The following OSBPL5 variants were observed in gnomAD, a reference collection of about 807,000 sequenced individuals.
OSBPL5 encodes oxysterol-binding protein-related protein 5.
Under a neutral mutation model 111.2 loss-of-function variants are expected in OSBPL5, and 71 were observed. That is an observed-to-expected ratio of 0.64 (90% CI 0.53 to 0.78). OSBPL5 has a LOEUF of 0.78. Among genes scored for constraint, OSBPL5 ranks in the 30% least tolerant of loss-of-function variants. The pLI is 0.00. For synonymous variants in OSBPL5, 549 were observed against 513.9 expected (o/e 1.07, Z -0.93); for missense variants, 1,210 against 1,189.3 (o/e 1.02, Z -0.26).
At chr11:3,128,671 C>G (rs942508509) in intron 2 of OSBPL5, among the ~76,000 whole-genome samples, 3 of 152,198 alleles carry the variant, frequency 2.0e-5, no homozygotes, top group African/African-American at 7.2e-5. Flanking sequence ...TGGGGTTACC[C>G]TGCCAGGACT....
chr11:3,157,537 G>A (rs1395921447), intron 1 of OSBPL5, among the ~76,000 whole-genome samples: 1 of 152,234 alleles, frequency 6.6e-6, no homozygotes, highest in Non-Finnish European at 1.5e-5. Flanking sequence ...AGGGGCAGGA[G>A]AGCCCCAGCC....
chr11:3,118,116 C>T (rs1204297750), intron 7 of OSBPL5, among the ~76,000 whole-genome samples: 1 of 152,160 alleles, frequency 6.6e-6, no homozygotes, highest in Admixed American at 6.6e-5. Flanking sequence ...ACCAGAGACT[C>T]GTTTTCTTCT....
In OSBPL5 at chr11:3,100,188, T is replaced by A. The variant is rs747204940; in HGVS notation, c.1591A>T (p.Thr531Ser). ...LTFLNRAEDY[T>S]LTMPYAHCKG... is the part of the protein sequence containing the mutation. ...CAGTGGGCGTAGGGCATGGTAAGGG[T>A]GTAATCCTCGGCTCGGTTCAGGAAG... Residue 531 changes from threonine to serine, a missense_variant, in exon 14 of 22, where the codon ACC becomes TCC. Coordinates refer to ENST00000263650, the MANE Select transcript of OSBPL5 (RefSeq NM_020896.4). 1.9e-6 allele frequency: 3 copies of A among 1,613,878 alleles called. No individual in the cohort carries two copies. The highest frequency in any genetic ancestry group is 2.5e-6 in the Non-Finnish European group (3 of 1,179,992).
At chr11:3,093,685 G>C (rs1440078982) in intron 16 of OSBPL5, 22 bp from the exon 17 acceptor site, 1 of 1,612,992 alleles carries the variant, frequency 6.2e-7, no homozygotes, top group Non-Finnish European at 8.5e-7. Flanking sequence ...GGCCAGCGGG[G>C]TCAGAGGCTG....
rs200124336 is a variant in OSBPL5, at chr11:3,107,441, G to A, written c.881C>T (p.Ser294Phe). ...GTCTGAGAATGCATCGTTCTCCAGGGAAGACCCGTTCAGTCTGGAAGGTGG... is the reference window on the plus strand; with the variant it reads ...GTCTGAGAATGCATCGTTCTCCAGGAAAGACCCGTTCAGTCTGGAAGGTGG... ...DQDLFPLNGSSLENDAFSDKS... is the reference protein window; with the variant it reads ...DQDLFPLNGSFLENDAFSDKS... Residue 294 changes from serine to phenylalanine, a missense_variant, in exon 9 of 22, where the codon TCC becomes TTC. Transcript: ENST00000263650. The surrounding 1 kb of genome is among the most constrained non-coding windows in gnomAD (Gnocchi z 6.1). 81 of 1,613,892 alleles carry A rather than the reference G, an allele frequency of 5.0e-5. No individual in the cohort carries two copies. The highest frequency in any genetic ancestry group is 6.6e-5 in the Non-Finnish European group (78 of 1,179,986).
chr11:3,127,990 C>T (rs1055915855), intron 2 of OSBPL5, among the ~76,000 whole-genome samples: 13 of 152,242 alleles, frequency 8.5e-5, no homozygotes, highest in African/African-American at 3.1e-4. Context: ...CCTCCCCACC[C>T]CTGACTCTGC....
At chr11:3,124,980 C>T (rs1408676213) in intron 3 of OSBPL5, among the ~76,000 whole-genome samples, 1 of 152,194 alleles carries the variant, frequency 6.6e-6, no homozygotes, top group African/African-American at 2.4e-5. Context: ...ACCCCTGCTC[C>T]CCAACTGGGC....
At chr11:3,119,874 C>T (rs762997246) in intron 6 of OSBPL5, 32 of 521,892 alleles carry the variant, frequency 6.1e-5, no homozygotes, top group Non-Finnish European at 1.0e-4. Flanking sequence ...CAGCTCTGAG[C>T]CTCCTGACTT....
chr11:3,112,739 C>CT (rs1230723551), intron 7 of OSBPL5, among the ~76,000 whole-genome samples: 6 of 152,110 alleles, frequency 3.9e-5, no homozygotes, highest in Admixed American at 3.9e-4. Flanking sequence ...TCTCCTTATG[C>CT]AATCCTATGA....
In OSBPL5 at chr11:3,107,296, G is replaced by A; in HGVS notation, c.1026C>T (p.Thr342=). 1 of 1,613,522 alleles carries A rather than the reference G, an allele frequency of 6.2e-7. No individual in the cohort carries two copies. Among genetic ancestry groups the A allele is most frequent in the Non-Finnish European group, 8.5e-7 (1 of 1,179,920 alleles). ...GCTCCTCCTGGACCTGCTCCACATA[G>A]GTGGTCCCTCTCCGCACCGGGGCCC... The part of the protein sequence containing the change: ...TPGAPVRRGT[T]YVEQVQEELG... Residue 342 remains threonine (T), a synonymous_variant, in exon 9 of 22, where the codon ACC becomes ACT. Transcript: ENST00000263650. The surrounding 1 kb of genome is among the most constrained non-coding windows in gnomAD (Gnocchi z 6.1).
intron 19 of OSBPL5, among the ~76,000 whole-genome samples, chr11:3,091,037 G>T (rs1857039047): frequency 6.6e-6 from 1 of 152,238 alleles, no homozygotes; most frequent in Non-Finnish European, 1.5e-5. Context: ...GGCCGAGGGT[G>T]GTTCTGACCC....
rs144743928 is a variant in OSBPL5, at chr11:3,107,380, G to C, written c.942C>G (p.Thr314=). ...SERENPEESD[T]ETQDHSRKTE... is the part of the protein sequence containing the mutation. The stretch of plus-strand genomic sequence containing the variant: ...TCTTCCGGCTATGGTCCTGGGTCTC[G>C]GTATCTGACTCCTCAGGGTTCTCTC... Residue 314 remains threonine (T), a synonymous_variant, in exon 9 of 22, where the codon ACC becomes ACG. Transcript: ENST00000263650. The surrounding 1 kb of genome is among the most constrained non-coding windows in gnomAD (Gnocchi z 6.1). 3.1e-6 allele frequency: 5 copies of C among 1,614,020 alleles called. No individual in the cohort carries two copies. The South Asian group carries it at 4.4e-5, about 14-fold the overall frequency.
Position 3,087,596 on chromosome 11 carries a change from G to C in OSBPL5, c.*609C>G, listed in dbSNP as rs891576850. On this transcript the variant is annotated 3_prime_UTR_variant, in exon 22 of 22. Coordinates refer to ENST00000263650, the MANE Select transcript of OSBPL5 (RefSeq NM_020896.4). ...AGCGAGCGTCCAGGTGTGGGGGTGG[G>C]GTGGTTCCAGGACCTGCCTCTGTGG... The C allele has an allele frequency of 6.5e-6, 1 of 153,264 alleles. No homozygotes were observed. Among genetic ancestry groups the C allele is most frequent in the Non-Finnish European group, 1.5e-5 (1 of 68,928 alleles). The allele number at this position is 153,264 out of a possible 1,614,324, so 9.5% of individuals were successfully genotyped here. A position where few individuals can be genotyped will look rare whatever the true frequency, so the allele number is the denominator to read the frequency against.
At chr11:3,094,215 C>T (rs753043957) in intron 15 of OSBPL5, 22 bp downstream of exon 15, 55 of 1,609,836 alleles carry the variant, frequency 3.4e-5, no homozygotes, top group Admixed American at 8.4e-5. Context: ...CCTCGTCTCC[C>T]CCAGGCTGCA....
At chr11:3,158,822 G>A (rs1394969870) in intron 1 of OSBPL5, among the ~76,000 whole-genome samples, 3 of 152,206 alleles carry the variant, frequency 2.0e-5, no homozygotes, top group African/African-American at 7.2e-5. Context: ...AGGAGCAGAT[G>A]GACAGAAGCC....
chr11:3,091,564 G>A (rs979909375), intron 19 of OSBPL5, among the ~76,000 whole-genome samples: 2 of 152,130 alleles, frequency 1.3e-5, no homozygotes, highest in African/African-American at 4.8e-5. Context: ...GAGAGGCTGA[G>A]GAGCGGGACT....
At chr11:3,120,224 T>C (rs564279908) in intron 6 of OSBPL5, among the ~76,000 whole-genome samples, 197 bp downstream of exon 6, 2 of 152,190 alleles carry the variant, frequency 1.3e-5, no homozygotes, top group Non-Finnish European at 2.9e-5. Context: ...CCTTGCAGCC[T>C]ACTGTGTGCT....
chr11:3,093,505 C>A, intron 17 of OSBPL5, 22 bp downstream of exon 17: 1 of 1,602,794 alleles, frequency 6.2e-7, no homozygotes, highest in Non-Finnish European at 8.5e-7. Context: ...CAGCAGGGTC[C>A]CTGGGCGCTG....
rs79341757 is a variant in OSBPL5 at position 3,089,870 on chromosome 11, C to T, written c.2477G>A (p.Arg826Gln). ...QALHEAILSIREAQQELHRHL... is the reference protein window; with the variant it reads ...QALHEAILSIQEAQQELHRHL... Reference sequence around the variant, plus strand: ...CCTGTGCAGCTCCTGCTGGGCCTCTCGGATGGAGAGGATGGCCTCGTGCAG... The same window carrying T: ...CCTGTGCAGCTCCTGCTGGGCCTCTTGGATGGAGAGGATGGCCTCGTGCAG... Residue 826 changes from arginine (R) to glutamine (Q), a missense_variant, in exon 21 of 22, where the codon CGA (arginine) becomes CAA (glutamine). Physicochemically the swap from Arg to Gln is conservative, Grantham distance 43. Coordinates refer to ENST00000263650, the MANE Select transcript of OSBPL5 (RefSeq NM_020896.4). 1.9e-4 allele frequency: 291 copies of T among 1,564,190 alleles called. 1 individual carries two copies. In the East Asian group the frequency reaches 4.6e-3, roughly 25 times the overall value.
Sources: gnomAD v4.1 joint callset for allele counts (sites outside exome capture counted in the v4.1 genomes callset) on GRCh38, gnomAD v4.1.1 for gene constraint, Gnocchi (gnomAD v3.1) non-coding constraint, MANE v1.5 for transcripts, NCBI Gene and HGNC (gene_info 2026-07-23, HGNC 2026-07-21) for gene names.